PSEN1: variants seen among roughly 807,000 people sequenced by gnomAD.
The protein encoded by PSEN1 is presenilin-1.
In PSEN1, 15 loss-of-function variants were observed where a neutral mutation model predicts 53.5. That is an observed-to-expected ratio of 0.28 (90% CI 0.19 to 0.43). The LOEUF is 0.43. PSEN1 is among the 20% of genes least tolerant of loss of function. The pLI is 1.00. For missense variants in PSEN1, 387 were observed against 571.2 expected (o/e 0.68, Z 3.29); for synonymous variants, 208 against 209.8 (o/e 0.99, Z 0.08).
chr14:73,177,232 T>C (rs1898071576), intron 5 of PSEN1, among the ~76,000 whole-genome samples: 1 of 152,230 alleles, frequency 6.6e-6, no homozygotes, highest in African/African-American at 2.4e-5. Context: ...TAACTTTTAA[T>C]GTAGTATTTT....
At chr14:73,185,835 C>A (rs1011386971) in intron 5 of PSEN1, among the ~76,000 whole-genome samples, 14 of 151,998 alleles carry the variant, frequency 9.2e-5, no homozygotes, top group African/African-American at 3.4e-4. Context: ...AGGCATGAGT[C>A]ACTGCGCCCG....
At chr14:73,147,230 C>T (rs1475221297) in intron 1 of PSEN1, among the ~76,000 whole-genome samples, 1 of 152,062 alleles carries the variant, frequency 6.6e-6, no homozygotes, top group Non-Finnish European at 1.5e-5. Context: ...GTGATCCGCC[C>T]GCCTTGGCCT....
At chr14:73,173,438 GT>G (rs1437745316) in intron 4 of PSEN1, 127 bp from the exon 5 acceptor site, 26 of 931,186 alleles carry the variant, frequency 2.8e-5, no homozygotes, top group Non-Finnish European at 4.4e-5. Flanking sequence ...AGATTGGTGA[GT>G]TGGGGAAAAG....
chr14:73,194,846 G>T (rs1243385547), intron 7 of PSEN1, among the ~76,000 whole-genome samples: 1 of 152,048 alleles, frequency 6.6e-6, no homozygotes, highest in Non-Finnish European at 1.5e-5. Flanking sequence ...GGGATTACAG[G>T]CATGAGCCAC....
Position 73,158,790 on chromosome 14 carries a change from A to G in PSEN1, c.87+10684A>G, listed in dbSNP as rs192126858. On this transcript the variant is annotated intron_variant, in intron 3 of 11. Coordinates refer to ENST00000324501, the MANE Select transcript of PSEN1 (RefSeq NM_000021.4). ...TATTTAACTTTTTAAGGTACTACCA[A>G]AGAACTTTCCAAACTGGTTGTATAA... Among the ~76,000 whole-genome samples the G allele has an allele frequency of 2.0e-5, 3 of 152,298 alleles. No individual in the cohort carries two copies. The East Asian group carries it at 5.8e-4, about 29-fold the overall frequency.
chr14:73,196,805 T>C (rs1898964898), intron 7 of PSEN1, among the ~76,000 whole-genome samples: 1 of 152,244 alleles, frequency 6.6e-6, no homozygotes, highest in East Asian at 1.9e-4. Context: ...TAAATGCATT[T>C]AAGTGACAAT....
chr14:73,140,747 G>A lies in PSEN1; in HGVS notation c.-136+4164G>A, dbSNP rs143648541. Among the ~76,000 whole-genome samples the A allele has an allele frequency of 2.2e-3, 336 of 152,178 alleles. 1 individual carries two copies. The highest frequency in any genetic ancestry group is 7.6e-3 in the African/African-American group (317 of 41,518). On this transcript the variant is annotated intron_variant, in intron 1 of 11. Coordinates refer to ENST00000324501, the MANE Select transcript of PSEN1 (RefSeq NM_000021.4). ...TTTAGTCCTAAAAGTTACAGATAAG[G>A]GATTCTGGACTTGCGATTCTAAGTC...
intron 3 of PSEN1, chr14:73,160,064 TC>T: frequency 3.6e-6 from 1 of 277,996 alleles, no homozygotes. Flanking sequence ...GCTCAAGTAA[TC>T]CTCCCACTTT....
chr14:73,144,710 C>CT (rs959149772), intron 1 of PSEN1, among the ~76,000 whole-genome samples: 4 of 152,120 alleles, frequency 2.6e-5, no homozygotes, highest in African/African-American at 9.7e-5. Flanking sequence ...AATAATGTCT[C>CT]TAAGTTTTAC....
chr14:73,185,407 C>G (rs902691628), intron 5 of PSEN1, among the ~76,000 whole-genome samples: 1 of 152,204 alleles, frequency 6.6e-6, no homozygotes, highest in African/African-American at 2.4e-5. Flanking sequence ...GGCTGGAGAC[C>G]GGCCTGGCCA....
chr14:73,218,227 C>T (rs1594759351), intron 11 of PSEN1, among the ~76,000 whole-genome samples: 2 of 151,026 alleles, frequency 1.3e-5, no homozygotes, highest in East Asian at 3.9e-4. Flanking sequence ...GCTGGAATTA[C>T]ATGTGTGCAC....
chr14:73,163,989 A>G (rs1179291781), intron 3 of PSEN1, among the ~76,000 whole-genome samples: 1 of 152,208 alleles, frequency 6.6e-6, no homozygotes, highest in African/African-American at 2.4e-5. Context: ...GCATAAAAGC[A>G]GAAAGACCAA....
Position 73,171,033 on chromosome 14 carries a change from G to C in PSEN1, c.324G>C (p.Arg108=). 1 of 1,614,184 alleles carries C rather than the reference G, an allele frequency of 6.2e-7. No individual in the cohort carries two copies. Among genetic ancestry groups the C allele is most frequent in the East Asian group, 2.2e-5 (1 of 44,884 alleles). The change falls in exon 4 of 12, where the codon CGG becomes CGC. Residue 108 remains arginine (R), a synonymous_variant. Coordinates refer to ENST00000324501, the MANE Select transcript of PSEN1 (RefSeq NM_000021.4). ...TTAAGTCAGTCAGCTTTTATACCCGGAAGGATGGGCAGCTGTACGTATGAG... is the reference window on the plus strand; with the variant it reads ...TTAAGTCAGTCAGCTTTTATACCCGCAAGGATGGGCAGCTGTACGTATGAG... ...ATIKSVSFYT[R]KDGQLIYTPF... is the part of the protein sequence containing the mutation.
Position 73,219,719 on chromosome 14 carries a change from A to T in PSEN1, c.*430A>T, listed in dbSNP as rs566842842. On this transcript the variant is annotated 3_prime_UTR_variant, in exon 12 of 12. Transcript: ENST00000324501. ...TCTTCATCTTAAACTACACGTTGAA[A>T]ATCAACCCAATAATTCTGTATTAAC... is the stretch of plus-strand genomic sequence containing the variant. The T allele has an allele frequency of 4.5e-6, 1 of 222,572 alleles. No individual in the cohort carries two copies. Among genetic ancestry groups the T allele is most frequent in the East Asian group, 1.1e-4 (1 of 8,930 alleles). 13.8% of individuals were successfully genotyped at this position (222,572 alleles called of 1,614,324 possible).
intron 3 of PSEN1, among the ~76,000 whole-genome samples, chr14:73,166,274 T>A (rs1357390225): frequency 6.6e-6 from 1 of 152,158 alleles, no homozygotes; most frequent in South Asian, 2.1e-4. Flanking sequence ...CCTTTCATGC[T>A]AGACTTAGCT....
intron 8 of PSEN1, among the ~76,000 whole-genome samples, chr14:73,204,084 C>T (rs139521885): frequency 0.015 from 2,285 of 152,264 alleles, 57 homozygotes; most frequent in African/African-American, 0.051. Flanking sequence ...CCACAGCCTC[C>T]GCCTCCTGGA....
chr14:73,140,111 C>G (rs1011315535), intron 1 of PSEN1, among the ~76,000 whole-genome samples: 3 of 147,890 alleles, frequency 2.0e-5, no homozygotes, highest in Admixed American at 6.8e-5. Context: ...GGGAAAGATT[C>G]TTTATAATTA....
At chr14:73,178,219 CTTTTT>C (rs34023728) in intron 5 of PSEN1, among the ~76,000 whole-genome samples, 1 of 127,986 alleles carries the variant, frequency 7.8e-6, no homozygotes, top group Admixed American at 7.9e-5. Flanking sequence ...ACACCCGGCC[CTTTTT>C]TTTTTTTTTT....
intron 3 of PSEN1, among the ~76,000 whole-genome samples, chr14:73,164,202 G>T (rs1412318549): frequency 6.6e-6 from 1 of 152,192 alleles, no homozygotes; most frequent in Non-Finnish European, 1.5e-5. Flanking sequence ...CTGGGAGAAT[G>T]GTGCTGCTGT....
Sources: allele counts gnomAD v4.1 joint callset (sites outside exome capture counted in the v4.1 genomes callset), GRCh38; gene constraint gnomAD v4.1.1; transcripts MANE v1.5; gene names NCBI Gene and HGNC (gene_info 2026-07-23, HGNC 2026-07-21).